TMEM41B: variants seen among roughly 807,000 people sequenced by gnomAD.
The protein encoded by TMEM41B is protein stasimon.
A neutral mutation model predicts 31.9 loss-of-function variants in TMEM41B; 18 were observed. The ratio of observed to expected loss-of-function variants is 0.56; its 90% CI spans 0.39 to 0.84. The LOEUF (loss-of-function observed/expected upper bound fraction) is 0.84, where lower values mean the gene tolerates loss of function less well. Ranked by LOEUF, TMEM41B falls within the 40% of genes least tolerant of loss-of-function variation. The probability of loss-of-function intolerance (pLI) is 0.00; values close to 1 mark genes in which losing one functional copy is unlikely to be tolerated. For synonymous variants in TMEM41B, 144 were observed against 124.3 expected, an observed-to-expected ratio of 1.16 and a Z score of -1.05; for missense variants, 322 against 348.0, an observed-to-expected ratio of 0.93 and a Z score of 0.59.
chr11:9,306,572 G>C (rs901994476), intron 1 of TMEM41B, among the ~76,000 whole-genome samples: 4 of 152,002 alleles, frequency 2.6e-5, no homozygotes, highest in African/African-American at 9.7e-5. Context: ...TGTAGTCCCA[G>C]CTACTCAGGA....
rs1332935312 is a variant in TMEM41B, at chr11:9,283,185, A to G, written c.*239T>C. Reference sequence around the variant, plus strand: ...ACAGCTACCCTTGGTATAATAATTTATAAGATGTCTAAGATGTCTACCTTA... The same window carrying G: ...ACAGCTACCCTTGGTATAATAATTTGTAAGATGTCTAAGATGTCTACCTTA... On this transcript the variant is annotated 3_prime_UTR_variant, in exon 7 of 7. Coordinates refer to ENST00000528080, the MANE Select transcript of TMEM41B (RefSeq NM_015012.4). The G allele has an allele frequency of 6.2e-6, 2 of 322,632 alleles. No individual in the cohort carries two copies. Among genetic ancestry groups the G allele is most frequent in the Non-Finnish European group, 1.1e-5 (2 of 180,360 alleles). The allele number at this position is 322,632 out of a possible 1,614,324, so 20.0% of individuals were successfully genotyped here. A position where few individuals can be genotyped will look rare whatever the true frequency, so the allele number is the denominator to read the frequency against.
intron 1 of TMEM41B, among the ~76,000 whole-genome samples, chr11:9,301,852 A>C (rs1853268979): frequency 6.6e-6 from 1 of 152,196 alleles, no homozygotes; most frequent in Admixed American, 6.5e-5. Flanking sequence ...CATGTATCAG[A>C]AAACAAGAAA....
intron 6 of TMEM41B, among the ~76,000 whole-genome samples, chr11:9,286,168 T>A (rs1207160235): frequency 7.3e-6 from 1 of 137,374 alleles, no homozygotes; most frequent in Non-Finnish European, 1.6e-5. Flanking sequence ...AATTTGATTT[T>A]TTTTCCTCTC....
At position 9,295,320 on chromosome 11, in the gene TMEM41B, A is replaced by T; in HGVS notation, c.307T>A (p.Ser103Thr). 3 of 1,600,286 alleles carry T rather than the reference A, an allele frequency of 1.9e-6. No homozygotes were observed. The highest frequency in any genetic ancestry group is 2.6e-6 in the Non-Finnish European group (3 of 1,171,450). Residue 103 changes from serine (S) to threonine (T), a missense_variant, in exon 3 of 7, where the codon TCC becomes ACC. This residue lies in a region of TMEM41B where 183 missense variants were observed against 175.3 expected (regional missense o/e 1.04). Transcript: ENST00000528080. ...DDAKALGKVL[S>T]KYKDTFYVQV... ...ACATAAAAGGTGTCCTTGTATTTGGATAAAACTTTTCCTAGAGCCTTGGCA... is the reference window on the plus strand; with the variant it reads ...ACATAAAAGGTGTCCTTGTATTTGGTTAAAACTTTTCCTAGAGCCTTGGCA...
intron 1 of TMEM41B, among the ~76,000 whole-genome samples, chr11:9,304,434 A>C (rs1853333385): frequency 1.3e-5 from 2 of 152,244 alleles, no homozygotes; most frequent in African/African-American, 4.8e-5. Context: ...TGAATAAAAA[A>C]CGTTGTTTTG....
At position 9,299,676 on chromosome 11, in the gene TMEM41B, T is replaced by C. The variant is rs778028788; in HGVS notation, c.147A>G (p.Ser49=). 9 of 1,612,290 alleles carry C rather than the reference T, an allele frequency of 5.6e-6. No homozygotes were observed. Among genetic ancestry groups the C allele is most frequent in the Admixed American group, 1.7e-5 (1 of 59,530 alleles). ...CCAATATAAGGAGTGACATTCTTGC[T>C]GATCCAGCTTCTACCCAGGATTTTT... ...QKEKSWVEAG[S]ARMSLLILVS... is the part of the protein sequence containing the mutation. The change falls in exon 2 of 7, where the codon TCA becomes TCG. Residue 49 remains serine, a synonymous_variant. Coordinates refer to ENST00000528080, the MANE Select transcript of TMEM41B (RefSeq NM_015012.4).
chr11:9,294,180 C>CAAAAAAAAAAAAAAAAA (rs538372314), intron 3 of TMEM41B, among the ~76,000 whole-genome samples: 1 of 73,452 alleles, frequency 1.4e-5, no homozygotes, highest in African/African-American at 6.2e-5. Flanking sequence ...GAACCTGTCT[C>CAAAAAAAAAAAAAAAAA]AAAAAAAAAA....
At chr11:9,308,676 G>GA (rs1853459276) in intron 1 of TMEM41B, among the ~76,000 whole-genome samples, 1 of 152,128 alleles carries the variant, frequency 6.6e-6, no homozygotes, top group Non-Finnish European at 1.5e-5. Flanking sequence ...ATGTCATTGG[G>GA]AAAACTGATT....
At chr11:9,304,988 C>T (rs1165220994) in intron 1 of TMEM41B, among the ~76,000 whole-genome samples, 1 of 151,916 alleles carries the variant, frequency 6.6e-6, no homozygotes, top group Non-Finnish European at 1.5e-5. Context: ...GACCAGGTCT[C>T]ACTATTTTGC....
chr11:9,284,166 CG>C (rs1329634250), intron 6 of TMEM41B, among the ~76,000 whole-genome samples: 1 of 151,946 alleles, frequency 6.6e-6, no homozygotes, highest in Non-Finnish European at 1.5e-5. Flanking sequence ...TTTCTCCCCC[CG>C]AGAGTTTGAC....
intron 1 of TMEM41B, among the ~76,000 whole-genome samples, chr11:9,312,954 GATAAA>G (rs10559215): frequency 0.32 from 48,481 of 149,584 alleles, 8,618 homozygotes; most frequent in South Asian, 0.5. Flanking sequence ...TTGTTGTAAT[GATAAA>G]ATAAGATTAA....
chr11:9,287,475 A>T (rs552095004), intron 5 of TMEM41B, among the ~76,000 whole-genome samples: 7 of 152,352 alleles, frequency 4.6e-5, no homozygotes, highest in African/African-American at 1.4e-4. Context: ...AAGATAAAGA[A>T]TTAAAATTAC....
chr11:9,297,801 G>C (rs1182612594), intron 2 of TMEM41B, among the ~76,000 whole-genome samples: 2 of 152,000 alleles, frequency 1.3e-5, no homozygotes, highest in South Asian at 2.1e-4. Flanking sequence ...AGGACTAAAG[G>C]CCTGAGTCCT....
chr11:9,299,321 T>TACACACAC (rs1303303364), intron 2 of TMEM41B, among the ~76,000 whole-genome samples: 1 of 10,514 alleles, frequency 9.5e-5, no homozygotes, highest in East Asian at 4.1e-3. Context: ...TATATATACA[T>TACACACAC]ACATACACAC....
At chr11:9,313,794 T>C (rs1428142771) in intron 1 of TMEM41B, among the ~76,000 whole-genome samples, 1 of 152,132 alleles carries the variant, frequency 6.6e-6, no homozygotes, top group Non-Finnish European at 1.5e-5. Context: ...CATTTCACAG[T>C]TCAGACACTG....
rs1377812224 is a variant in TMEM41B at position 9,283,394 on chromosome 11, A to G, written c.*30T>C. The G allele has an allele frequency of 5.1e-6, 8 of 1,568,846 alleles. No homozygotes were observed. The highest frequency in any genetic ancestry group is 6.9e-6 in the Non-Finnish European group (8 of 1,152,194). ...ACCTGTTAATCCTGAGATGGTGATG[A>G]CAGCAAAACTAAAAATCAGATGATT... On this transcript the variant is annotated 3_prime_UTR_variant, in exon 7 of 7. Coordinates refer to ENST00000528080, the MANE Select transcript of TMEM41B (RefSeq NM_015012.4).
At chr11:9,291,130 T>A (rs80191959) in intron 3 of TMEM41B, among the ~76,000 whole-genome samples, 8,893 of 151,566 alleles carry the variant, frequency 0.059, 351 homozygotes, top group South Asian at 0.1. Flanking sequence ...AAAATAAAAA[T>A]AAAAATAAGG....
Position 9,281,513 on chromosome 11 carries a change from TATA to T in TMEM41B, c.*1908_*1910del, listed in dbSNP as rs1265904223. On this transcript the variant is annotated 3_prime_UTR_variant, in exon 7 of 7. Coordinates refer to ENST00000528080, the MANE Select transcript of TMEM41B (RefSeq NM_015012.4). The stretch of plus-strand genomic sequence containing the variant: ...AGGCTTTGAGGATGATTATACCTCT[TATA>T]ATAAAAACATACAAGGATTTCTCAC... 5 of 152,190 alleles carry T rather than the reference TATA, an allele frequency of 3.3e-5. No homozygotes were observed. Among genetic ancestry groups the T allele is most frequent in the Non-Finnish European group, 7.3e-5 (5 of 68,042 alleles). The allele number at this position is 152,190 out of a possible 1,614,324, so 9.4% of individuals were successfully genotyped here.
chr11:9,289,065 G>A (rs1351934091), intron 3 of TMEM41B, among the ~76,000 whole-genome samples: 2 of 152,314 alleles, frequency 1.3e-5, no homozygotes, highest in East Asian at 3.9e-4. Context: ...ACGCAGTGGC[G>A]CACTCATGGC....
Sources: allele counts gnomAD v4.1 joint callset (sites outside exome capture counted in the v4.1 genomes callset), GRCh38; gene constraint gnomAD v4.1.1; regional missense constraint gnomAD v4.1.1; transcripts MANE v1.5; gene names NCBI Gene and HGNC (gene_info 2026-07-23, HGNC 2026-07-21).